The following SORCS1 variants were observed in gnomAD, a reference collection of about 807,000 sequenced individuals.
SORCS1 encodes the protein VPS10 domain-containing receptor SorCS1.
SORCS1 carries 60 observed loss-of-function variants against 146.1 expected under a neutral mutation model. That is an observed-to-expected ratio of 0.41 (90% CI 0.33 to 0.51). The LOEUF (loss-of-function observed/expected upper bound fraction) is 0.51, where lower values mean the gene tolerates loss of function less well. Ranked by LOEUF, SORCS1 falls within the 20% of genes least tolerant of loss-of-function variation. The probability of loss-of-function intolerance (pLI) is 0.21; values close to 1 mark genes in which losing one functional copy is unlikely to be tolerated. For synonymous variants in SORCS1, 637 were observed against 584.0 expected, an observed-to-expected ratio of 1.09 and a Z score of -1.31; for missense variants, 1,352 against 1,487.6, an observed-to-expected ratio of 0.91 and a Z score of 1.50.
chr10:106,847,825 T>C (rs202076811), intron 2 of SORCS1, among the ~76,000 whole-genome samples: 23,499 of 112,478 alleles, frequency 0.21, 3,122 homozygotes, highest in East Asian at 0.35. Context: ...TTTACTTCTG[T>C]CTTCATTTCG....
intron 17 of SORCS1, among the ~76,000 whole-genome samples, chr10:106,666,911 T>G (rs1851203138): frequency 6.6e-6 from 1 of 152,156 alleles, no homozygotes; most frequent in Non-Finnish European, 1.5e-5. Flanking sequence ...CTATTGGTTT[T>G]GTTTCTCTGG....
intron 2 of SORCS1, among the ~76,000 whole-genome samples, chr10:106,889,236 T>C (rs1951122811): frequency 6.6e-6 from 1 of 152,118 alleles, no homozygotes; most frequent in African/African-American, 2.4e-5. Context: ...AGACACTTAG[T>C]GCCGTAATGG....
chr10:107,052,484 A>T (rs1383594644), intron 1 of SORCS1, among the ~76,000 whole-genome samples: 1 of 152,184 alleles, frequency 6.6e-6, no homozygotes, highest in African/African-American at 2.4e-5. Flanking sequence ...TACAGGCTAA[A>T]TCAGGCTGAA....
chr10:106,947,422 G>A (rs566496298), intron 2 of SORCS1, among the ~76,000 whole-genome samples: 1 of 152,210 alleles, frequency 6.6e-6, no homozygotes, highest in Non-Finnish European at 1.5e-5. Flanking sequence ...TATCGGAAAG[G>A]TAATGGAGAA....
chr10:107,117,461 T>C (rs7080359), intron 1 of SORCS1, among the ~76,000 whole-genome samples: 9,784 of 152,174 alleles, frequency 0.064, 337 homozygotes, highest in Non-Finnish European at 0.077. Context: ...CTCAAAGCTG[T>C]GAGATCAGGG....
intron 6 of SORCS1, among the ~76,000 whole-genome samples, chr10:106,721,346 A>G (rs1564896553): frequency 6.6e-6 from 1 of 152,126 alleles, no homozygotes; most frequent in Non-Finnish European, 1.5e-5. Context: ...TAGTGTTGGA[A>G]CTTTGGCCAA....
At chr10:106,592,789 T>C (rs1412226404) in intron 24 of SORCS1, among the ~76,000 whole-genome samples, 1 of 152,050 alleles carries the variant, frequency 6.6e-6, no homozygotes, top group East Asian at 1.9e-4. Context: ...TTTTTTTTTT[T>C]TTCAGGCTTC....
intron 2 of SORCS1, among the ~76,000 whole-genome samples, chr10:106,869,636 TCAA>T (rs573497672): frequency 5.9e-5 from 9 of 152,250 alleles, no homozygotes; most frequent in African/African-American, 2.2e-4. Flanking sequence ...TTGGTAAAAT[TCAA>T]CGTCTTCTAT....
intron 7 of SORCS1, among the ~76,000 whole-genome samples, chr10:106,708,483 A>G (rs1322244312): frequency 3.9e-5 from 6 of 152,210 alleles, no homozygotes. Context: ...GTCATTTTTA[A>G]CATGGAAGGT....
intron 2 of SORCS1, among the ~76,000 whole-genome samples, chr10:106,949,385 G>A (rs1020749492): frequency 1.3e-5 from 2 of 152,148 alleles, no homozygotes; most frequent in Non-Finnish European, 2.9e-5. Context: ...GCGTGGAGGA[G>A]AAGGGAGGCG....
intron 1 of SORCS1, among the ~76,000 whole-genome samples, chr10:107,089,188 T>C (rs2134294944): frequency 6.6e-6 from 1 of 152,330 alleles, no homozygotes; most frequent in East Asian, 1.9e-4. Context: ...AATTTTACTT[T>C]TTAATTTTGT....
At chr10:106,744,500 CTGT>C (rs2136129434) in intron 5 of SORCS1, among the ~76,000 whole-genome samples, 1 of 152,288 alleles carries the variant, frequency 6.6e-6, no homozygotes, top group South Asian at 2.1e-4. Context: ...ATAGGAACAA[CTGT>C]TATAAGAGGA....
chr10:106,955,180 C>T (rs950975479), intron 2 of SORCS1, among the ~76,000 whole-genome samples: 7 of 152,254 alleles, frequency 4.6e-5, no homozygotes, highest in Non-Finnish European at 8.8e-5. Flanking sequence ...GCCTAGACCT[C>T]GGCTCCCCAA....
At chr10:107,155,447 T>A (rs996031685) in intron 1 of SORCS1, among the ~76,000 whole-genome samples, 7 of 152,144 alleles carry the variant, frequency 4.6e-5, no homozygotes, top group African/African-American at 1.4e-4. Flanking sequence ...GACAGTACTT[T>A]GAGAAACACT....
chr10:106,909,621 C>T (rs1033023000), intron 2 of SORCS1, among the ~76,000 whole-genome samples: 1 of 152,224 alleles, frequency 6.6e-6, no homozygotes, highest in East Asian at 1.9e-4. Context: ...GTGTGCTTAT[C>T]TATCCAGCTG....
At chr10:106,731,300 A>G (rs1589757599) in intron 5 of SORCS1, among the ~76,000 whole-genome samples, 2 of 149,552 alleles carry the variant, frequency 1.3e-5, no homozygotes, top group South Asian at 2.1e-4. Context: ...CTCAAAAAAA[A>G]AAAAAAAAAA....
intron 8 of SORCS1, among the ~76,000 whole-genome samples, chr10:106,701,707 T>C (rs762378258): frequency 6.6e-6 from 1 of 152,202 alleles, no homozygotes; most frequent in Non-Finnish European, 1.5e-5. Flanking sequence ...TCTAGTAAAG[T>C]GGCTGAAGAA....
intron 21 of SORCS1, among the ~76,000 whole-genome samples, chr10:106,615,711 G>A (rs1328422221): frequency 2.6e-5 from 4 of 152,172 alleles, no homozygotes; most frequent in Non-Finnish European, 5.9e-5. Context: ...AAGGGTGGCC[G>A]ATGGTGCAGG....
At chr10:107,173,491 T>A in the SORCS1 span, among the ~76,000 whole-genome samples, 1 of 152,186 alleles carries the variant, frequency 6.6e-6, no homozygotes, top group African/African-American at 2.4e-5. Flanking sequence ...CATTAAAACA[T>A]CATGTTATAC....
Sources: gnomAD v4.1 joint callset for allele counts (sites outside exome capture counted in the v4.1 genomes callset) on GRCh38, gnomAD v4.1.1 for gene constraint, MANE v1.5 for transcripts, NCBI Gene and HGNC (gene_info 2026-07-23, HGNC 2026-07-21) for gene names.